The following MICU3 variants were observed in gnomAD, a reference collection of about 807,000 sequenced individuals.
The protein encoded by MICU3 is calcium uptake protein 3, mitochondrial.
Under a neutral mutation model 66.5 loss-of-function variants are expected in MICU3, and 62 were observed. The ratio of observed to expected loss-of-function variants is 0.93; its 90% confidence interval spans 0.76 to 1.15. The LOEUF is 1.15. Among genes scored for constraint, MICU3 ranks in the 50% most tolerant of loss-of-function variants. The pLI, the probability that MICU3 is intolerant of heterozygous loss-of-function variation, is 0.00. For missense variants in MICU3, 779 were observed against 664.4 expected (o/e 1.17, Z -1.90); for synonymous variants, 308 against 240.7 (o/e 1.28, Z -2.59).
chr8:17,138,438 G>A, the MICU3 span, among the ~76,000 whole-genome samples: 5 of 152,136 alleles, frequency 3.3e-5, no homozygotes, highest in Non-Finnish European at 5.9e-5. Flanking sequence ...TGACAAGTCA[G>A]CTAATCTTGG....
intron 5 of MICU3, 45 bp from the exon 6 acceptor site, chr8:17,085,191 T>C (rs1298761286): frequency 1.5e-6 from 2 of 1,333,652 alleles, no homozygotes; most frequent in African/African-American, 2.9e-5. Context: ...TACTTTAAAA[T>C]ACATTTTTCC....
chr8:17,070,352 G>A (rs1819366274), intron 3 of MICU3, among the ~76,000 whole-genome samples: 1 of 151,698 alleles, frequency 6.6e-6, no homozygotes, highest in African/African-American at 2.4e-5. Context: ...GAAACATGAT[G>A]GTAAAGAAAA....
rs1487875429 is a variant in MICU3 at position 17,085,479 on chromosome 8, A to G, written c.777+161A>G. On this transcript the variant is annotated intron_variant, in intron 6 of 14. Transcript: ENST00000318063. ...ATAATACTCAGGTACTTTGAACAAT[A>G]TTTACATTTTACAAATATAAATTAC... Among the ~76,000 whole-genome samples, 6 of 152,118 alleles carry G rather than the reference A, an allele frequency of 3.9e-5. No homozygotes were observed. In the East Asian group the frequency reaches 7.7e-4, roughly 20 times the overall value.
intron 11 of MICU3, among the ~76,000 whole-genome samples, chr8:17,112,675 T>A (rs1007448054): frequency 1.3e-5 from 2 of 152,246 alleles, no homozygotes; most frequent in Non-Finnish European, 2.9e-5. Flanking sequence ...CTGTCATTTT[T>A]AAATTTATTT....
chr8:17,069,374 G>T (rs1244438080), intron 2 of MICU3, among the ~76,000 whole-genome samples: 1 of 151,958 alleles, frequency 6.6e-6, no homozygotes, highest in Non-Finnish European at 1.5e-5. Context: ...GTGCTTTTAA[G>T]CCCACAAGAT....
chr8:17,099,193 G>A (rs1801038023), intron 9 of MICU3, among the ~76,000 whole-genome samples: 1 of 151,688 alleles, frequency 6.6e-6, no homozygotes, highest in Non-Finnish European at 1.5e-5. Context: ...AGTTTCTCAA[G>A]ATGGGCCATA....
intron 10 of MICU3, 90 bp downstream of exon 10, chr8:17,104,581 C>G: frequency 1.9e-6 from 1 of 539,542 alleles, no homozygotes; most frequent in Non-Finnish European, 3.0e-6. Context: ...CAATACTCAC[C>G]TCTTTGTTAC....
intron 4 of MICU3, among the ~76,000 whole-genome samples, chr8:17,078,549 A>AT (rs1438988294): frequency 2.0e-5 from 3 of 152,034 alleles, no homozygotes; most frequent in East Asian, 3.9e-4. Context: ...TTGGAAATGT[A>AT]TTTTTTGTAT....
downstream of MICU3, among the ~76,000 whole-genome samples, chr8:17,123,687 G>A (rs76950126): frequency 0.037 from 5,593 of 151,946 alleles, 147 homozygotes; most frequent in Non-Finnish European, 0.055. Context: ...CAATACATGG[G>A]TTAGTAAATT....
chr8:17,129,862 A>T, the MICU3 span, among the ~76,000 whole-genome samples: 5 of 152,258 alleles, frequency 3.3e-5, no homozygotes, highest in East Asian at 5.8e-4. Flanking sequence ...AAAAACAAAA[A>T]TTTTTTTTCA....
At chr8:17,038,952 CAAAAAAAAAA>C (rs57441494) in intron 1 of MICU3, among the ~76,000 whole-genome samples, 1 of 120,146 alleles carries the variant, frequency 8.3e-6, no homozygotes, top group African/African-American at 2.7e-5. Flanking sequence ...GACTCTGTCT[CAAAAAAAAAA>C]AAAAATAAAT....
At chr8:17,113,722 GT>G (rs564635377) in intron 11 of MICU3, among the ~76,000 whole-genome samples, 173 of 151,164 alleles carry the variant, frequency 1.1e-3, no homozygotes, top group African/African-American at 4.1e-3. Flanking sequence ...TTTTTTTTCT[GT>G]TTTTTTTCTT....
chr8:17,112,703 C>T (rs1802314519), intron 11 of MICU3, among the ~76,000 whole-genome samples: 1 of 152,048 alleles, frequency 6.6e-6, no homozygotes, highest in Non-Finnish European at 1.5e-5. Flanking sequence ...TCATGTCTGC[C>T]CCCCAATATA....
At chr8:17,044,013 G>A (rs151204033) in intron 1 of MICU3, among the ~76,000 whole-genome samples, 11 of 152,266 alleles carry the variant, frequency 7.2e-5, no homozygotes, top group South Asian at 2.1e-4. Flanking sequence ...TATAGCAGTC[G>A]TTTATAAATA....
chr8:17,030,624 G>A (rs1811858620), intron 1 of MICU3, among the ~76,000 whole-genome samples: 1 of 152,198 alleles, frequency 6.6e-6, no homozygotes, highest in South Asian at 2.1e-4. Context: ...ATAGAGATGG[G>A]AGGTGTAGTA....
intron 11 of MICU3, among the ~76,000 whole-genome samples, chr8:17,105,856 A>G (rs1801694300): frequency 6.6e-6 from 1 of 152,068 alleles, no homozygotes; most frequent in Non-Finnish European, 1.5e-5. Flanking sequence ...ATTTTTCAGG[A>G]GAATTCCACT....
chr8:17,036,430 C>A (rs1260604280), intron 1 of MICU3, among the ~76,000 whole-genome samples: 1 of 152,072 alleles, frequency 6.6e-6, no homozygotes, highest in Admixed American at 6.5e-5. Flanking sequence ...GGGCAGCCTG[C>A]TTTTATTCTC....
the MICU3 span, among the ~76,000 whole-genome samples, chr8:17,130,617 AAG>A: frequency 6.6e-6 from 1 of 152,346 alleles, no homozygotes; most frequent in African/African-American, 2.4e-5. Context: ...AAAGGACAGA[AAG>A]GGGTAAATAG....
At chr8:17,101,677 A>C (rs527548048) in intron 9 of MICU3, among the ~76,000 whole-genome samples, 1 of 152,008 alleles carries the variant, frequency 6.6e-6, no homozygotes, top group South Asian at 2.1e-4. Flanking sequence ...GTAAGAAAAC[A>C]TTCCTTAATT....
Sources: allele counts gnomAD v4.1 joint callset (sites outside exome capture counted in the v4.1 genomes callset), GRCh38; gene constraint gnomAD v4.1.1; transcripts MANE v1.5; gene names NCBI Gene and HGNC (gene_info 2026-07-23, HGNC 2026-07-21).